QRICH2: variants seen among roughly 807,000 people sequenced by gnomAD.
QRICH2 encodes the protein glutamine rich 2, also known as glutamine-rich protein 2.
Under a neutral mutation model 168.3 loss-of-function variants are expected in QRICH2, and 119 were observed. That is an observed-to-expected ratio of 0.71 (90% CI 0.61 to 0.82). The LOEUF (loss-of-function observed/expected upper bound fraction) is 0.82, where lower values mean the gene tolerates loss of function less well. QRICH2 is among the 40% of genes least tolerant of loss of function. QRICH2 has a pLI of 0.00. For missense variants in QRICH2, 2,241 were observed against 2,491.6 expected (o/e 0.90, Z 2.14); for synonymous variants, 894 against 951.2 (o/e 0.94, Z 1.11).
chr17:76,282,645 G>A (rs2070811058), intron 7 of QRICH2, among the ~76,000 whole-genome samples: 1 of 152,206 alleles, frequency 6.6e-6, no homozygotes, highest in South Asian at 2.1e-4. Context: ...AGGCTGGGCG[G>A]TGCAAACCCC....
chr17:76,302,511 G>C (rs780748115), intron 3 of QRICH2, among the ~76,000 whole-genome samples: 10 of 152,232 alleles, frequency 6.6e-5, no homozygotes, highest in Non-Finnish European at 1.3e-4. Context: ...TTGAGACGGA[G>C]GGAGTATCCC....
rs183390724 is a variant in QRICH2, at chr17:76,281,371, C to T, written c.4264-418G>A. 2.6e-5 allele frequency among the ~76,000 whole-genome samples: 4 copies of T among 152,238 alleles called. No individual in the cohort carries two copies. The East Asian group carries it at 7.7e-4, about 29-fold the overall frequency. ...TCAGGAGTGATGTGCTGTCCCGGGG[C>T]ACTTGAGAGCTGGGCTGTGGGCTTT... is the stretch of plus-strand genomic sequence containing the variant. On this transcript the variant is annotated intron_variant, in intron 8 of 18. Coordinates refer to ENST00000680821, the MANE Select transcript of QRICH2 (RefSeq NM_001388453.1). The surrounding 1 kb of genome is among the most constrained non-coding windows in gnomAD (Gnocchi z 4.4).
At chr17:76,308,778 C>T (rs1003609141), upstream of QRICH2, among the ~76,000 whole-genome samples, 3 of 152,008 alleles carry the variant, frequency 2.0e-5, no homozygotes, top group African/African-American at 7.3e-5. Flanking sequence ...GGGAGTCTTG[C>T]TCTGTCGCCC....
chr17:76,289,515 G>A (rs564828439), intron 5 of QRICH2, among the ~76,000 whole-genome samples: 3 of 152,092 alleles, frequency 2.0e-5, no homozygotes, highest in Non-Finnish European at 4.4e-5. Flanking sequence ...TCCAGGAAAT[G>A]AACACGATGA....
intron 3 of QRICH2, 72 bp from the exon 4 acceptor site, chr17:76,294,093 T>G: frequency 6.6e-7 from 1 of 1,513,066 alleles, no homozygotes; most frequent in Non-Finnish European, 8.8e-7. Flanking sequence ...AAAGGAAATC[T>G]GGAAGTTCTG....
intron 18 of QRICH2, 127 bp downstream of exon 18, chr17:76,275,692 C>G: frequency 8.0e-7 from 1 of 1,243,256 alleles, no homozygotes; most frequent in Non-Finnish European, 1.1e-6. Flanking sequence ...TTTTCCACAC[C>G]CATCCCCCCC....
At chr17:76,290,104 A>T (rs759306584) in intron 4 of QRICH2, 27 bp from the exon 5 acceptor site, 37 of 1,555,648 alleles carry the variant, frequency 2.4e-5, no homozygotes, top group Non-Finnish European at 2.8e-5. Context: ...CCTTATGATC[A>T]GAGGGGTTAG....
At chr17:76,274,809 A>G (rs1192306113) in intron 18 of QRICH2, among the ~76,000 whole-genome samples, 2 of 152,044 alleles carry the variant, frequency 1.3e-5, no homozygotes, top group East Asian at 3.9e-4. Context: ...TGGCTGTGTG[A>G]CCTAGAGCAA....
In QRICH2 at chr17:76,281,802, G is replaced by A; in HGVS notation, c.4263+62C>T. On this transcript the variant is annotated intron_variant, in intron 8 of 18. Coordinates refer to ENST00000680821, the MANE Select transcript of QRICH2 (RefSeq NM_001388453.1). This position sits in a 1 kb window ranked among gnomAD's most constrained non-coding sequence, Gnocchi z 4.4. ...CCCCACTTCTGTGGGTCTGCAGCAG[G>A]GTGGCCCTCCTCTGTGGGGCCATGT... The A allele has an allele frequency of 1.3e-6, 2 of 1,581,578 alleles. No individual in the cohort carries two copies. Among genetic ancestry groups the A allele is most frequent in the Non-Finnish European group, 1.7e-6 (2 of 1,157,198 alleles).
chr17:76,292,345 A>G lies in QRICH2; in HGVS notation c.2382T>C (p.Pro794=), dbSNP rs1209493103. The G allele has an allele frequency of 2.0e-6, 3 of 1,523,478 alleles. No individual in the cohort carries two copies. Among genetic ancestry groups the G allele is most frequent in the Non-Finnish European group, 2.6e-6 (3 of 1,132,950 alleles). The allele number at this position is 1,523,478 out of a possible 1,614,324, so 94.4% of individuals were successfully genotyped here. The stretch of plus-strand genomic sequence containing the variant: ...GCACCAAACCACGCTGAACTATACC[A>G]GGTTGCACCAAACTACGCTGAACTT... ...PGEVQRSLVQ[P]GIVQRGLVQP... The change falls in exon 4 of 19, where the codon CCT becomes CCC. Residue 794 remains proline, a synonymous_variant. Transcript: ENST00000680821.
intron 3 of QRICH2, among the ~76,000 whole-genome samples, chr17:76,295,073 CAAATAAATAAATAAAT>C (rs201787948): frequency 1.4e-5 from 2 of 143,202 alleles, no homozygotes; most frequent in East Asian, 4.2e-4. Context: ...CTACTAAAAA[CAAATAAATAAATAAAT>C]AAATAAATAA....
intron 7 of QRICH2, among the ~76,000 whole-genome samples, chr17:76,284,906 C>T (rs897057413): frequency 2.7e-5 from 4 of 150,880 alleles, no homozygotes; most frequent in East Asian, 3.9e-4. Flanking sequence ...ACTAGGGAAA[C>T]GCACATCAAA....
rs775030690 is a variant in QRICH2, at chr17:76,279,391, G to A, written c.4786C>T (p.Arg1596Trp). The change falls in exon 13 of 19, where the codon CGG becomes TGG. Residue 1596 changes from arginine (R) to tryptophan (W), a missense_variant. This residue lies in a region of QRICH2 where 2,047 missense variants were observed against 2,303.8 expected (regional missense o/e 0.89). Coordinates refer to ENST00000680821, the MANE Select transcript of QRICH2 (RefSeq NM_001388453.1). ...CCAGTCACAGGTGTCTCCAAGGGCC[G>A]GTCACATGAGAGGCAGTGGAAATGT... ...LAHFHCLSCD[R>W]PLETPVTGHA... 6.5e-5 allele frequency: 105 copies of A among 1,612,884 alleles called. No homozygotes were observed. Among genetic ancestry groups the A allele is most frequent in the Middle Eastern group, 3.3e-4 (2 of 6,084 alleles).
intron 7 of QRICH2, 69 bp downstream of exon 7, chr17:76,287,123 G>C: frequency 1.0e-6 from 1 of 983,272 alleles, no homozygotes; most frequent in Non-Finnish European, 1.6e-6. Flanking sequence ...TGAGAGGTGG[G>C]AGGGCAGGGC....
At position 76,292,294 on chromosome 17, in the gene QRICH2, C is replaced by G. The variant is rs748630371; in HGVS notation, c.2433G>C (p.Leu811Phe). The G allele has an allele frequency of 1.2e-6, 2 of 1,600,620 alleles. No homozygotes were observed. Reference protein sequence around the residue: ...LVQPGAVQRGLVQPGAVQRGL... With the variant: ...LVQPGAVQRGFVQPGAVQRGL... Reference sequence around the variant, plus strand: ...CACGCTGAACTGCACCAGGTTGCACCAAACCACGCTGAACTGCACCAGGTT... The same window carrying G: ...CACGCTGAACTGCACCAGGTTGCACGAAACCACGCTGAACTGCACCAGGTT... The change falls in exon 4 of 19, where the codon TTG becomes TTC. Residue 811 changes from leucine to phenylalanine, a missense_variant. This residue lies in a region of QRICH2 where 2,047 missense variants were observed against 2,303.8 expected (regional missense o/e 0.89). Transcript: ENST00000680821.
chr17:76,281,474 C>T lies in QRICH2; in HGVS notation c.4263+390G>A, dbSNP rs1568108222. 6.6e-6 allele frequency among the ~76,000 whole-genome samples: 1 copy of T among 152,150 alleles called. No individual in the cohort carries two copies. Among genetic ancestry groups the T allele is most frequent in the East Asian group, 1.9e-4 (1 of 5,188 alleles). On this transcript the variant is annotated intron_variant, in intron 8 of 18. Coordinates refer to ENST00000680821, the MANE Select transcript of QRICH2 (RefSeq NM_001388453.1). This position sits in a 1 kb window ranked among gnomAD's most constrained non-coding sequence, Gnocchi z 4.4. ...GACCCAGGATTTGTGGCTGTGCCCG[C>T]CCCCACCAGCAAGCCTGCCCTTTCT...
chr17:76,296,661 G>A (rs568441926), intron 3 of QRICH2, among the ~76,000 whole-genome samples: 10 of 151,290 alleles, frequency 6.6e-5, no homozygotes, highest in East Asian at 2.0e-4. Flanking sequence ...GCTTGTAGTC[G>A]CAGCTACTTG....
chr17:76,302,100 T>C (rs934842905), intron 3 of QRICH2, among the ~76,000 whole-genome samples: 6 of 152,156 alleles, frequency 3.9e-5, no homozygotes, highest in African/African-American at 9.7e-5. Context: ...CGTTTCACCA[T>C]GTTGGCCAGG....
chr17:76,292,901 C>T lies in QRICH2; in HGVS notation c.1826G>A (p.Gly609Asp), dbSNP rs1222546214. The T allele has an allele frequency of 1.2e-6, 2 of 1,611,494 alleles. No individual in the cohort carries two copies. The highest frequency in any genetic ancestry group is 3.3e-5 in the Admixed American group (2 of 59,714). Residue 609 changes from glycine (G) to aspartate (D), a missense_variant, in exon 4 of 19, where the codon GGT becomes GAT. By Grantham distance (94) the Gly-to-Asp change is moderately conservative (BLOSUM62 -1). This residue lies in a region of QRICH2 where 2,047 missense variants were observed against 2,303.8 expected (regional missense o/e 0.89). Coordinates refer to ENST00000680821, the MANE Select transcript of QRICH2 (RefSeq NM_001388453.1). ...GLVRPGMDQS[G>D]LAQPGADQRG... ...CTGATCTGCACCAGGTTGGGCCAAA[C>T]CAGACTGATCCATTCCAGGCCGGAC...
Sources: gnomAD v4.1 joint callset for allele counts (sites outside exome capture counted in the v4.1 genomes callset) on GRCh38, gnomAD v4.1.1 for gene constraint, gnomAD v4.1.1 regional missense constraint, Gnocchi (gnomAD v3.1) non-coding constraint, MANE v1.5 for transcripts, NCBI Gene and HGNC (gene_info 2026-07-23, HGNC 2026-07-21) for gene names.